PSME3IP1: variants seen among roughly 807,000 people sequenced by gnomAD.
The protein encoded by PSME3IP1 is proteasome activator subunit 3 interacting protein 1.
Under a neutral mutation model 34.1 loss-of-function variants are expected in PSME3IP1, and 13 were observed. The observed-to-expected ratio is 0.38, with a 90% CI of 0.25 to 0.61. The LOEUF (loss-of-function observed/expected upper bound fraction) is 0.61, where lower values mean the gene tolerates loss of function less well. Among genes scored for constraint, PSME3IP1 ranks in the 20% least tolerant of loss-of-function variants. The pLI is 0.60. For synonymous variants in PSME3IP1, 93 were observed against 114.3 expected (o/e 0.81, Z 1.19); for missense variants, 237 against 301.4 (o/e 0.79, Z 1.58).
At chr16:57,170,192 C>G (rs2072398384) in intron 4 of PSME3IP1, among the ~76,000 whole-genome samples, 1 of 151,842 alleles carries the variant, frequency 6.6e-6, no homozygotes, top group South Asian at 2.1e-4. Context: ...AAGCGATTCT[C>G]CTGCCTCAGC....
intron 1 of PSME3IP1, among the ~76,000 whole-genome samples, chr16:57,179,615 T>A (rs903987934): frequency 6.6e-6 from 1 of 152,232 alleles, no homozygotes; most frequent in South Asian, 2.1e-4. Context: ...TGGTTTCCTA[T>A]GGAATTGAAT....
chr16:57,168,200 A>G (rs2072131654), intron 4 of PSME3IP1, among the ~76,000 whole-genome samples: 1 of 152,202 alleles, frequency 6.6e-6, no homozygotes, highest in Non-Finnish European at 1.5e-5. Context: ...AGTGCCCAGG[A>G]AATCTAAGAA....
Position 57,173,886 on chromosome 16 carries a change from AAAAC to A in PSME3IP1, c.-15-21_-15-18del. On this transcript the variant is annotated intron_variant, in intron 1 of 6. Transcript: ENST00000309137. ...ACAACCAATCTACAAAACAAAAACA[AAAAC>A]AAAAAAAATCATTTCAAGTGAGAAC... 1 of 1,599,778 alleles carries A rather than the reference AAAAC, an allele frequency of 6.3e-7. No homozygotes were observed. The highest frequency in any genetic ancestry group is 8.5e-7 in the Non-Finnish European group (1 of 1,173,916).
Position 57,172,375 on chromosome 16 carries a change from GAGGAAA to G in PSME3IP1, c.227-9_227-4del, listed in dbSNP as rs1345927714. ...ATCTAAGCCTCTTACCATGTTTTCT[GAGGAAA>G]TAATTAAACAAGGCACACTTAGCAG... is the stretch of plus-strand genomic sequence containing the variant. On this transcript the variant is annotated splice_region_variant and splice_polypyrimidine_tract_variant and intron_variant, in intron 3 of 6. Coordinates refer to ENST00000309137, the MANE Select transcript of PSME3IP1 (RefSeq NM_024946.4). 4 of 1,613,202 alleles carry G rather than the reference GAGGAAA, an allele frequency of 2.5e-6. No homozygotes were observed. The Admixed American group carries it at 6.7e-5, about 27-fold the overall frequency.
rs370469445 is a variant in PSME3IP1, at chr16:57,167,127, C to T, written c.448G>A (p.Ala150Thr). The change falls in exon 5 of 7, where the codon GCG (alanine) becomes ACG (threonine). Residue 150 changes from alanine (A) to threonine (T), a missense_variant. Physicochemically the swap from Ala to Thr is moderately conservative, Grantham distance 58 (BLOSUM62 0). Coordinates refer to ENST00000309137, the MANE Select transcript of PSME3IP1 (RefSeq NM_024946.4). ...TTCACAGCTCCTGCCAACAGCTTCG[C>T]CTGGGAGAACTTGTTCTTGGTTTCT... ...PIETKNKFSQ[A>T]KLLAGAVKHK... 8.7e-6 allele frequency: 14 copies of T among 1,613,920 alleles called. No individual in the cohort carries two copies. The highest frequency in any genetic ancestry group is 1.7e-4 in the Middle Eastern group (1 of 5,950).
intron 4 of PSME3IP1, 33 bp downstream of exon 4, chr16:57,172,218 C>T: frequency 7.5e-6 from 12 of 1,610,188 alleles, no homozygotes; most frequent in Non-Finnish European, 1.0e-5. Context: ...AAAATGGACA[C>T]CTTACAGGTT....
intron 1 of PSME3IP1, among the ~76,000 whole-genome samples, chr16:57,184,503 G>C (rs1393419513): frequency 2.6e-5 from 4 of 152,160 alleles, no homozygotes; most frequent in Admixed American, 6.5e-5. Flanking sequence ...ATAGTAAAGA[G>C]TGAAACATAA....
chr16:57,165,683 G>A (rs1267312348), intron 5 of PSME3IP1, among the ~76,000 whole-genome samples: 2 of 152,122 alleles, frequency 1.3e-5, no homozygotes, highest in Non-Finnish European at 2.9e-5. Flanking sequence ...CAAACTCCCA[G>A]GTGATTCCAA....
At chr16:57,162,972 C>A (rs1429462569) in intron 6 of PSME3IP1, among the ~76,000 whole-genome samples, 1 of 152,032 alleles carries the variant, frequency 6.6e-6, no homozygotes, top group East Asian at 1.9e-4. Flanking sequence ...CAAGACCAGC[C>A]TGGCCAACAT....
chr16:57,153,669 G>A lies in PSME3IP1; in HGVS notation c.*621C>T, dbSNP rs1300484808. The A allele has an allele frequency of 6.6e-6, 1 of 152,242 alleles. No homozygotes were observed. Among genetic ancestry groups the A allele is most frequent in the East Asian group, 1.9e-4 (1 of 5,198 alleles). The allele number at this position is 152,242 out of a possible 1,614,324, so 9.4% of individuals were successfully genotyped here. A position where few individuals can be genotyped will look rare whatever the true frequency, so the allele number is the denominator to read the frequency against. On this transcript the variant is annotated 3_prime_UTR_variant, in exon 7 of 7. Transcript: ENST00000309137. ...AATGGGGTTGGAGAGAGAGGAGAGA[G>A]GGAATGGCCAAGGGTATGGAAAGCT...
chr16:57,179,033 C>T (rs1273838057), intron 1 of PSME3IP1, among the ~76,000 whole-genome samples: 1 of 152,136 alleles, frequency 6.6e-6, no homozygotes, highest in Non-Finnish European at 1.5e-5. Flanking sequence ...ACAAACAGCC[C>T]AGGGATATCA....
chr16:57,171,493 T>C (rs554761219), intron 4 of PSME3IP1, among the ~76,000 whole-genome samples: 56 of 152,318 alleles, frequency 3.7e-4, no homozygotes, highest in Non-Finnish European at 6.8e-4. Flanking sequence ...GAATAGATTA[T>C]TGAGGATGAG....
At chr16:57,183,821 T>A (rs538725674) in intron 1 of PSME3IP1, among the ~76,000 whole-genome samples, 2 of 152,262 alleles carry the variant, frequency 1.3e-5, no homozygotes, top group African/African-American at 4.8e-5. Context: ...CAGGAGCCCA[T>A]CCAGGGAGTG....
rs1597526148 is a variant in PSME3IP1, at chr16:57,153,636, C to T, written c.*654G>A. ...GAAGCGTTCTTGTTAGCAGTCCCTT[C>T]CTGCATAAATGGGGTTGGAGAGAGA... On this transcript the variant is annotated 3_prime_UTR_variant, in exon 7 of 7. Coordinates refer to ENST00000309137, the MANE Select transcript of PSME3IP1 (RefSeq NM_024946.4). The T allele has an allele frequency of 1.3e-5, 2 of 152,168 alleles. No homozygotes were observed. The highest frequency in any genetic ancestry group is 1.3e-4 in the Admixed American group (2 of 15,274). 9.4% of individuals were successfully genotyped at this position (152,168 alleles called of 1,614,324 possible). A position where few individuals can be genotyped will look rare whatever the true frequency, so the allele number is the denominator to read the frequency against.
At chr16:57,170,904 C>A (rs1194358237) in intron 4 of PSME3IP1, among the ~76,000 whole-genome samples, 1 of 152,150 alleles carries the variant, frequency 6.6e-6, no homozygotes. Flanking sequence ...GAAACCTCGT[C>A]TCTACTAAAA....
intron 6 of PSME3IP1, among the ~76,000 whole-genome samples, chr16:57,160,516 C>G (rs1360297074): frequency 6.6e-6 from 1 of 152,192 alleles, no homozygotes; most frequent in Non-Finnish European, 1.5e-5. Context: ...TCCTCTCTGA[C>G]CTATCAAGTC....
chr16:57,176,439 C>A (rs538706322), intron 1 of PSME3IP1, among the ~76,000 whole-genome samples: 1 of 152,184 alleles, frequency 6.6e-6, no homozygotes, highest in Non-Finnish European at 1.5e-5. Context: ...GGTCATCCAA[C>A]TCATATATTA....
chr16:57,162,072 T>A (rs1006191787), intron 6 of PSME3IP1, among the ~76,000 whole-genome samples: 1 of 151,974 alleles, frequency 6.6e-6, no homozygotes, highest in South Asian at 2.1e-4. Context: ...CCGACTAATT[T>A]TGTATTTTTA....
chr16:57,172,749 T>C (rs777500500), intron 3 of PSME3IP1, 27 bp downstream of exon 3: 10 of 1,530,296 alleles, frequency 6.5e-6, no homozygotes, highest in East Asian at 2.2e-5. Flanking sequence ...ACAGAGCCCC[T>C]TGAACTCTCT....
Sources: allele counts gnomAD v4.1 joint callset (sites outside exome capture counted in the v4.1 genomes callset), GRCh38; gene constraint gnomAD v4.1.1; transcripts MANE v1.5; gene names NCBI Gene and HGNC (gene_info 2026-07-23, HGNC 2026-07-21).